Variants in BTNL8 observed in about 807,000 individuals in gnomAD.
BTNL8 encodes the protein butyrophilin like 8.
In BTNL8, 22 loss-of-function variants were observed where a neutral mutation model predicts 36.1. That is an observed-to-expected ratio of 0.61 (90% confidence interval 0.44 to 0.87). BTNL8 has a LOEUF of 0.87. Among genes scored for constraint, BTNL8 ranks in the 40% least tolerant of loss-of-function variants. The pLI is 0.00. For missense variants in BTNL8, 526 were observed against 616.9 expected (o/e 0.85, Z 1.56); for synonymous variants, 203 against 235.6 (o/e 0.86, Z 1.27).
intron 3 of BTNL8, chr5:180,945,628 A>G: frequency 8.1e-6 from 2 of 247,464 alleles, no homozygotes; most frequent in South Asian, 8.8e-5. Flanking sequence ...AAAACAAATA[A>G]CCTGATCTTA....
chr5:180,902,351 C>A (rs752685690), intron 1 of BTNL8: 2 of 1,550,420 alleles, frequency 1.3e-6, no homozygotes, highest in East Asian at 4.9e-5. Flanking sequence ...TGCAGGTGCT[C>A]CTCAAGATCG....
At chr5:180,918,664 T>C (rs1757746993) in intron 3 of BTNL8, among the ~76,000 whole-genome samples, 1 of 152,224 alleles carries the variant, frequency 6.6e-6, no homozygotes, top group Non-Finnish European at 1.5e-5. Context: ...GAGTTACAGC[T>C]TGATTTTATG....
At chr5:180,945,835 A>G in intron 3 of BTNL8, 2 of 497,946 alleles carry the variant, frequency 4.0e-6, no homozygotes, top group South Asian at 2.9e-5. Flanking sequence ...TGATCCGGAA[A>G]TATGGCCTCA....
intron 3 of BTNL8, among the ~76,000 whole-genome samples, chr5:180,938,073 T>C (rs1234558248): frequency 6.6e-6 from 1 of 152,120 alleles, no homozygotes; most frequent in East Asian, 1.9e-4. Flanking sequence ...AGTGATAAAA[T>C]TTGATTCCTT....
intron 3 of BTNL8, among the ~76,000 whole-genome samples, chr5:180,915,232 C>T (rs916810546): frequency 1.6e-4 from 24 of 152,352 alleles, no homozygotes; most frequent in African/African-American, 5.8e-4. Context: ...GCCCTCCACA[C>T]ACCACCCCTG....
intron 3 of BTNL8, among the ~76,000 whole-genome samples, chr5:180,915,328 C>T (rs1370300778): frequency 1.3e-5 from 2 of 152,228 alleles, no homozygotes; most frequent in Non-Finnish European, 2.9e-5. Context: ...TGCATACAAA[C>T]TTCTGCAGTC....
At chr5:180,923,317 T>A (rs1312566932) in intron 3 of BTNL8, among the ~76,000 whole-genome samples, 1 of 152,166 alleles carries the variant, frequency 6.6e-6, no homozygotes, top group Non-Finnish European at 1.5e-5. Flanking sequence ...TACCCAGGAA[T>A]AAAAGGTTAG....
At chr5:180,930,248 A>G (rs1367658950) in intron 3 of BTNL8, among the ~76,000 whole-genome samples, 1 of 152,214 alleles carries the variant, frequency 6.6e-6, no homozygotes, top group Non-Finnish European at 1.5e-5. Context: ...GGCCTTCGAT[A>G]AAATTAAACA....
chr5:180,949,376 C>A lies in BTNL8; in HGVS notation c.862+111C>A, dbSNP rs976515008. On this transcript the variant is annotated intron_variant, in intron 7 of 7. Transcript: ENST00000340184. ...CAGAGTGATGCTGAGACCCATCCTG[C>A]CTGCAGATGGAGAAACTGGATGCTT... The A allele has an allele frequency of 2.5e-5, 34 of 1,384,906 alleles. 6 individuals carry two copies. Among genetic ancestry groups the A allele is most frequent in the African/African-American group, 4.2e-5 (3 of 70,944 alleles). The allele number at this position is 1,384,906 out of a possible 1,614,324, so 85.8% of individuals were successfully genotyped here.
At chr5:180,949,855 A>G in intron 7 of BTNL8, 49 bp from the exon 8 acceptor site, 1 of 1,418,328 alleles carries the variant, frequency 7.1e-7, no homozygotes, top group Non-Finnish European at 9.7e-7. Flanking sequence ...TCCAGCCCAG[A>G]TTTCGTCTTC....
At chr5:180,899,398 T>C in intron 1 of BTNL8, 39 bp downstream of exon 1, 1 of 1,581,436 alleles carries the variant, frequency 6.3e-7, no homozygotes, top group Non-Finnish European at 8.7e-7. Flanking sequence ...TAACTAACAG[T>C]TTGAGTTCTT....
chr5:180,946,957 C>T (rs1759287463), intron 3 of BTNL8, among the ~76,000 whole-genome samples: 1 of 152,158 alleles, frequency 6.6e-6, no homozygotes, highest in South Asian at 2.1e-4. Context: ...TATTTTAAGA[C>T]ATCAGTTCTC....
intron 3 of BTNL8, among the ~76,000 whole-genome samples, chr5:180,917,651 A>G (rs933771911): frequency 3.3e-5 from 5 of 152,254 alleles, no homozygotes; most frequent in Non-Finnish European, 5.9e-5. Flanking sequence ...AATACAATTG[A>G]TAATCAAAAT....
Position 180,950,552 on chromosome 5 carries a change from C to A in BTNL8, c.*8C>A. The A allele has an allele frequency of 6.9e-7, 1 of 1,459,698 alleles. No individual in the cohort carries two copies. Among genetic ancestry groups the A allele is most frequent in the Non-Finnish European group, 9.5e-7 (1 of 1,058,018 alleles). The allele number at this position is 1,459,698 out of a possible 1,614,324, so 90.4% of individuals were successfully genotyped here. A position where few individuals can be genotyped will look rare whatever the true frequency, so the allele number is the denominator to read the frequency against. ...CCCAGGGGTGAAATGTAGGATGAAT[C>A]ACATCCCACATTCTTCTTTAGGGAT... On this transcript the variant is annotated 3_prime_UTR_variant, in exon 8 of 8. Coordinates refer to ENST00000340184, the MANE Select transcript of BTNL8 (RefSeq NM_001040462.3).
At chr5:180,908,112 C>A (rs1237592253) in intron 1 of BTNL8, among the ~76,000 whole-genome samples, 1 of 152,048 alleles carries the variant, frequency 6.6e-6, no homozygotes, top group Non-Finnish European at 1.5e-5. Flanking sequence ...CCCCCAGCCT[C>A]GCTGCTGCCT....
Position 180,908,637 on chromosome 5 carries a change from A to C in BTNL8, c.101A>C (p.Glu34Ala), listed in dbSNP as rs1004371857. ...AAGCCTGTCCAGGCCTTGGTGGGGG[A>C]GGACGCAGCATTCTCCTGTTTCCTG... ...PDKPVQALVG[E>A]DAAFSCFLSP... Residue 34 changes from glutamate (E) to alanine (A), a missense_variant, in exon 2 of 8, where the codon GAG becomes GCG. Transcript: ENST00000340184. The C allele has an allele frequency of 3.7e-6, 6 of 1,614,032 alleles. No individual in the cohort carries two copies. The highest frequency in any genetic ancestry group is 5.1e-6 in the Non-Finnish European group (6 of 1,180,010).
chr5:180,914,272 G>A (rs569609123), intron 3 of BTNL8, among the ~76,000 whole-genome samples: 4 of 152,336 alleles, frequency 2.6e-5, no homozygotes, highest in Admixed American at 2.0e-4. Flanking sequence ...GAGGGACACA[G>A]TGTTCATCGC....
intron 3 of BTNL8, among the ~76,000 whole-genome samples, chr5:180,919,955 A>C (rs1431413751): frequency 6.6e-6 from 1 of 152,154 alleles, no homozygotes; most frequent in African/African-American, 2.4e-5. Flanking sequence ...ATACTACCCA[A>C]ATCAATTTAT....
At chr5:180,931,005 A>T (rs561114965) in intron 3 of BTNL8, among the ~76,000 whole-genome samples, 1 of 152,302 alleles carries the variant, frequency 6.6e-6, no homozygotes, top group South Asian at 2.1e-4. Flanking sequence ...TATAGCCAAG[A>T]CAATCCTAAG....
Sources: allele counts gnomAD v4.1 joint callset (sites outside exome capture counted in the v4.1 genomes callset), GRCh38; gene constraint gnomAD v4.1.1; transcripts MANE v1.5; gene names NCBI Gene and HGNC (gene_info 2026-07-23, HGNC 2026-07-21).